The following SIL1 variants were observed in gnomAD, a reference collection of about 807,000 sequenced individuals.
The protein encoded by SIL1 is SIL1 nucleotide exchange factor.
Under a neutral mutation model 49.1 loss-of-function variants are expected in SIL1, and 40 were observed. The ratio of observed to expected loss-of-function variants is 0.81; its 90% confidence interval spans 0.63 to 1.06. The LOEUF (loss-of-function observed/expected upper bound fraction) is 1.06. Among genes scored for constraint, SIL1 ranks in the 50% least tolerant of loss-of-function variants. The probability of loss-of-function intolerance (pLI) is 0.00; values close to 1 mark genes in which losing one functional copy is unlikely to be tolerated. For missense variants in SIL1, 500 were observed against 572.6 expected (o/e 0.87, Z 1.29); for synonymous variants, 253 against 250.8 (o/e 1.01, Z -0.08).
chr5:139,191,511 G>A (rs1036690129), intron 1 of SIL1, among the ~76,000 whole-genome samples: 1 of 152,056 alleles, frequency 6.6e-6, no homozygotes, highest in Admixed American at 6.6e-5. Flanking sequence ...TGGGCATGGT[G>A]GCTCACACTT....
chr5:139,171,406 A>G (rs1335569248), intron 1 of SIL1, among the ~76,000 whole-genome samples: 1 of 152,116 alleles, frequency 6.6e-6, no homozygotes, highest in East Asian at 1.9e-4. Context: ...CTTACCCCCA[A>G]CCCTGTGCTC....
chr5:138,985,505 G>A (rs973078969), intron 7 of SIL1, among the ~76,000 whole-genome samples: 1 of 152,182 alleles, frequency 6.6e-6, no homozygotes, highest in Non-Finnish European at 1.5e-5. Flanking sequence ...TGCCTATCAC[G>A]TGAAGCTTCT....
chr5:139,021,580 A>G (rs1768529488), intron 6 of SIL1, among the ~76,000 whole-genome samples: 1 of 152,228 alleles, frequency 6.6e-6, no homozygotes, highest in Non-Finnish European at 1.5e-5. Flanking sequence ...CTAATATCAT[A>G]ATGAGTCACA....
chr5:139,024,364 C>G (rs1768598436), intron 6 of SIL1, among the ~76,000 whole-genome samples: 1 of 151,970 alleles, frequency 6.6e-6, no homozygotes, highest in African/African-American at 2.4e-5. Flanking sequence ...TTTTTTTTCT[C>G]TAAGAGGATC....
chr5:139,025,080 T>C (rs1393450249), intron 6 of SIL1, among the ~76,000 whole-genome samples: 3 of 152,244 alleles, frequency 2.0e-5, no homozygotes, highest in Non-Finnish European at 4.4e-5. Context: ...TTTCTTATGC[T>C]TGTCTATCTG....
chr5:139,046,887 A>G (rs1372849821), intron 4 of SIL1, among the ~76,000 whole-genome samples: 1 of 152,214 alleles, frequency 6.6e-6, no homozygotes, highest in Non-Finnish European at 1.5e-5. Flanking sequence ...CATGTTTTAG[A>G]ACAGGGTCAG....
At chr5:138,951,680 G>T in intron 8 of SIL1, 108 bp downstream of exon 8, 1 of 1,069,216 alleles carries the variant, frequency 9.4e-7, no homozygotes, top group Non-Finnish European at 1.4e-6. Flanking sequence ...CCCAGCAGAT[G>T]ATGCTCAGGC....
At chr5:139,110,215 G>T (rs1770813046) in intron 3 of SIL1, among the ~76,000 whole-genome samples, 1 of 151,696 alleles carries the variant, frequency 6.6e-6, no homozygotes, top group Non-Finnish European at 1.5e-5. Flanking sequence ...CAAACTGGGA[G>T]ATGATGGAAT....
intron 7 of SIL1, among the ~76,000 whole-genome samples, chr5:138,961,044 G>A (rs560553119): frequency 6.6e-6 from 1 of 152,162 alleles, no homozygotes; most frequent in Non-Finnish European, 1.5e-5. Flanking sequence ...ATGGAGGGAT[G>A]GGGGAGGGAG....
At chr5:138,994,439 A>T (rs959884084) in intron 7 of SIL1, among the ~76,000 whole-genome samples, 1 of 152,208 alleles carries the variant, frequency 6.6e-6, no homozygotes, top group Non-Finnish European at 1.5e-5. Context: ...AAAAATTATG[A>T]TGTTTTATTA....
intron 3 of SIL1, among the ~76,000 whole-genome samples, chr5:139,088,484 C>T (rs1010485089): frequency 6.6e-6 from 1 of 152,206 alleles, no homozygotes; most frequent in Non-Finnish European, 1.5e-5. Flanking sequence ...TGTCCATCAG[C>T]TCAGTTTCTA....
chr5:139,103,453 C>CAGAACAAGGCGATACCTTGGA (rs1294335133), intron 3 of SIL1, among the ~76,000 whole-genome samples: 3 of 152,194 alleles, frequency 2.0e-5, no homozygotes, highest in Non-Finnish European at 4.4e-5. Flanking sequence ...TAATAAAAGC[C>CAGAACAAGGCGATACCTTGGA]AGAACAAGGC....
intron 1 of SIL1, among the ~76,000 whole-genome samples, chr5:139,163,270 T>C (rs543556044): frequency 6.6e-6 from 1 of 152,240 alleles, no homozygotes; most frequent in African/African-American, 2.4e-5. Context: ...GATAACTGAT[T>C]CCAAGATGGA....
intron 1 of SIL1, among the ~76,000 whole-genome samples, chr5:139,170,630 GGC>G (rs1400491986): frequency 6.7e-6 from 1 of 148,650 alleles, no homozygotes; most frequent in Non-Finnish European, 1.5e-5. Context: ...CCCTCTGCCT[GGC>G]AACCGCCCCA....
intron 3 of SIL1, among the ~76,000 whole-genome samples, chr5:139,056,404 C>G (rs543782581): frequency 6.6e-6 from 1 of 151,300 alleles, no homozygotes; most frequent in East Asian, 2.0e-4. Flanking sequence ...ACAACCACCC[C>G]GACTGAGAAG....
chr5:138,987,130 A>AT (rs1321838123), intron 7 of SIL1, among the ~76,000 whole-genome samples: 19 of 133,536 alleles, frequency 1.4e-4, no homozygotes, highest in African/African-American at 4.4e-4. Flanking sequence ...ATTTTATTTT[A>AT]TTTATTTTGA....
chr5:139,135,990 C>A (rs1049632082), intron 1 of SIL1, among the ~76,000 whole-genome samples: 1 of 152,104 alleles, frequency 6.6e-6, no homozygotes, highest in Admixed American at 6.5e-5. Flanking sequence ...TCTCTTGAAC[C>A]TAGGAAGCAG....
At chr5:139,189,107 C>G (rs1752124156) in intron 1 of SIL1, among the ~76,000 whole-genome samples, 1 of 152,168 alleles carries the variant, frequency 6.6e-6, no homozygotes, top group African/African-American at 2.4e-5. Flanking sequence ...CGACGTGGCT[C>G]AGAAACTGGA....
At chr5:138,977,429 A>G (rs1397842543) in intron 7 of SIL1, among the ~76,000 whole-genome samples, 3 of 152,154 alleles carry the variant, frequency 2.0e-5, no homozygotes, top group Non-Finnish European at 4.4e-5. Flanking sequence ...GAAACCATGA[A>G]GAGTTCCTTC....
Sources: allele counts gnomAD v4.1 joint callset (sites outside exome capture counted in the v4.1 genomes callset), GRCh38; gene constraint gnomAD v4.1.1; transcripts MANE v1.5; gene names NCBI Gene and HGNC (gene_info 2026-07-23, HGNC 2026-07-21).